ARHGAP24: variants seen among roughly 807,000 people sequenced by gnomAD.
ARHGAP24 encodes Rho GTPase activating protein 24, also known as rho GTPase-activating protein 24.
ARHGAP24 carries 50 observed loss-of-function variants against 76.4 expected under a neutral mutation model. The observed-to-expected ratio is 0.65, with a 90% CI of 0.52 to 0.83. The LOEUF (loss-of-function observed/expected upper bound fraction) is 0.83, where lower values mean the gene tolerates loss of function less well. ARHGAP24 is among the 40% of genes least tolerant of loss of function. The pLI is 0.00. For synonymous variants in ARHGAP24, 345 were observed against 323.3 expected (o/e 1.07, Z -0.72); for missense variants, 930 against 914.2 (o/e 1.02, Z -0.22).
chr4:85,675,051 T>TG (rs1314072952), intron 2 of ARHGAP24, among the ~76,000 whole-genome samples: 1 of 152,176 alleles, frequency 6.6e-6, no homozygotes, highest in East Asian at 1.9e-4. Context: ...GAAAGATAAC[T>TG]GATCTGGTTT....
At chr4:85,514,991 G>A (rs1042579207) in intron 1 of ARHGAP24, among the ~76,000 whole-genome samples, 1 of 152,126 alleles carries the variant, frequency 6.6e-6, no homozygotes, top group Non-Finnish European at 1.5e-5. Flanking sequence ...CCAGTGAAGG[G>A]TGCTTACGGA....
intron 3 of ARHGAP24, among the ~76,000 whole-genome samples, chr4:85,797,756 A>T (rs560956955): frequency 6.6e-6 from 1 of 152,338 alleles, no homozygotes; most frequent in Non-Finnish European, 1.5e-5. Context: ...ATTGTGCCAC[A>T]TGGCATCCCC....
intron 3 of ARHGAP24, among the ~76,000 whole-genome samples, chr4:85,779,980 T>G (rs1420780334): frequency 1.3e-5 from 2 of 152,208 alleles, no homozygotes; most frequent in Admixed American, 6.5e-5. Flanking sequence ...GATCATTCTC[T>G]TCATGAGATC....
intron 2 of ARHGAP24, among the ~76,000 whole-genome samples, chr4:85,572,932 G>A (rs1477914379): frequency 2.8e-5 from 4 of 145,378 alleles, no homozygotes; most frequent in Non-Finnish European, 4.5e-5. Context: ...GCTGGAGTGC[G>A]GTGGTGCGAT....
At chr4:85,996,419 T>A (rs2148872702) in intron 9 of ARHGAP24, among the ~76,000 whole-genome samples, 1 of 152,252 alleles carries the variant, frequency 6.6e-6, no homozygotes, top group Middle Eastern at 3.4e-3. Context: ...AAAGTAGGAG[T>A]AGCTCCTCTA....
chr4:85,771,024 G>C (rs1727112627), intron 3 of ARHGAP24, among the ~76,000 whole-genome samples: 2 of 152,128 alleles, frequency 1.3e-5, no homozygotes, highest in Admixed American at 6.5e-5. Context: ...ATAGCTTGGG[G>C]GTCCCCATCT....
At chr4:85,673,324 T>G (rs76162971) in intron 2 of ARHGAP24, among the ~76,000 whole-genome samples, 4,451 of 152,234 alleles carry the variant, frequency 0.029, 204 homozygotes, top group African/African-American at 0.1. Flanking sequence ...CTACATGCAG[T>G]TTCCTTTTAA....
At chr4:85,665,593 C>G (rs1421595458) in intron 2 of ARHGAP24, among the ~76,000 whole-genome samples, 1 of 152,190 alleles carries the variant, frequency 6.6e-6, no homozygotes, top group Non-Finnish European at 1.5e-5. Flanking sequence ...TTAGTTGATG[C>G]AGTTTCTTCC....
intron 1 of ARHGAP24, among the ~76,000 whole-genome samples, chr4:85,524,534 G>C (rs1560519403): frequency 1.3e-5 from 2 of 152,158 alleles, no homozygotes; most frequent in East Asian, 3.9e-4. Flanking sequence ...TCACAGCCCT[G>C]CATGATTGAT....
intron 3 of ARHGAP24, among the ~76,000 whole-genome samples, chr4:85,745,746 A>C (rs1726009019): frequency 1.3e-5 from 2 of 152,220 alleles, no homozygotes; most frequent in African/African-American, 4.8e-5. Context: ...CAGATTACCA[A>C]ACTAAGTGTA....
intron 2 of ARHGAP24, among the ~76,000 whole-genome samples, chr4:85,685,500 G>A (rs1233978014): frequency 6.6e-6 from 1 of 152,102 alleles, no homozygotes; most frequent in Admixed American, 6.5e-5. Context: ...GGGCATAGTG[G>A]CAGGCGCCTG....
At chr4:85,996,178 A>C (rs1740647345) in intron 9 of ARHGAP24, among the ~76,000 whole-genome samples, 1 of 152,202 alleles carries the variant, frequency 6.6e-6, no homozygotes, top group Non-Finnish European at 1.5e-5. Flanking sequence ...ATGAGCTGAG[A>C]GAGGCCATAA....
intron 1 of ARHGAP24, among the ~76,000 whole-genome samples, chr4:85,506,119 G>C (rs1161091744): frequency 6.6e-6 from 1 of 152,038 alleles, no homozygotes; most frequent in Non-Finnish European, 1.5e-5. Flanking sequence ...TGGAAGCTTC[G>C]TCCAAGAGAG....
chr4:85,609,994 A>G (rs1720326258), intron 2 of ARHGAP24, among the ~76,000 whole-genome samples: 1 of 152,160 alleles, frequency 6.6e-6, no homozygotes, highest in Non-Finnish European at 1.5e-5. Flanking sequence ...ACTATTGTAC[A>G]ACTGATATTT....
intron 2 of ARHGAP24, among the ~76,000 whole-genome samples, chr4:85,660,659 G>A (rs1345080935): frequency 6.6e-6 from 1 of 151,966 alleles, no homozygotes; most frequent in Non-Finnish European, 1.5e-5. Flanking sequence ...AGCTGGGCAT[G>A]GTGGCACATG....
At chr4:85,894,368 G>C (rs1271833046) in intron 3 of ARHGAP24, among the ~76,000 whole-genome samples, 1 of 152,056 alleles carries the variant, frequency 6.6e-6, no homozygotes, top group Non-Finnish European at 1.5e-5. Context: ...CATACCAAAA[G>C]GACAGGATGA....
At chr4:85,833,705 T>A (rs1176940317) in intron 3 of ARHGAP24, among the ~76,000 whole-genome samples, 2 of 152,180 alleles carry the variant, frequency 1.3e-5, no homozygotes, top group African/African-American at 2.4e-5. Flanking sequence ...GTTTTTAAAC[T>A]TTTAAAATTT....
intron 1 of ARHGAP24, among the ~76,000 whole-genome samples, chr4:85,556,299 T>TC: frequency 6.6e-6 from 1 of 152,076 alleles, no homozygotes; most frequent in Non-Finnish European, 1.5e-5. Flanking sequence ...TGGGATCACC[T>TC]CCCCAGGGAA....
At position 85,529,348 on chromosome 4, in the gene ARHGAP24, A is replaced by G. The variant is rs1725158457; in HGVS notation, c.-20-41174A>G. 2.0e-5 allele frequency among the ~76,000 whole-genome samples: 3 copies of G among 152,062 alleles called. No homozygotes were observed. In the South Asian group the frequency reaches 6.2e-4, roughly 31 times the overall value. On this transcript the variant is annotated intron_variant, in intron 1 of 9. Transcript: ENST00000395184. ...AATCAATTTTGCTAAATTTTGGACT[A>G]TGAAAATACTGGCTTAGCTTGGTCT...
Sources: allele counts gnomAD v4.1 joint callset (sites outside exome capture counted in the v4.1 genomes callset), GRCh38; gene constraint gnomAD v4.1.1; transcripts MANE v1.5; gene names NCBI Gene and HGNC (gene_info 2026-07-23, HGNC 2026-07-21).